The following KAZN variants were observed in gnomAD, a reference collection of about 807,000 sequenced individuals.
The protein encoded by KAZN is kazrin.
KAZN carries 40 observed loss-of-function variants against 87.4 expected under a neutral mutation model. The ratio of observed to expected loss-of-function variants is 0.46; its 90% confidence interval spans 0.36 to 0.60. The LOEUF (loss-of-function observed/expected upper bound fraction) is 0.60. Ranked by LOEUF, KAZN falls within the 20% of genes least tolerant of loss-of-function variation. The pLI is 0.00. For synonymous variants in KAZN, 466 were observed against 458.3 expected (o/e 1.02, Z -0.22); for missense variants, 898 against 1,073.9 (o/e 0.84, Z 2.29).
At chr1:14,330,639 T>C (rs1315616728) in intron 2 of KAZN, among the ~76,000 whole-genome samples, 3 of 152,236 alleles carry the variant, frequency 2.0e-5, no homozygotes, top group South Asian at 4.1e-4. Context: ...ACTTGAAAAG[T>C]TGCCATCAGG....
At chr1:14,414,034 C>A (rs1325811012) in intron 2 of KAZN, among the ~76,000 whole-genome samples, 1 of 152,168 alleles carries the variant, frequency 6.6e-6, no homozygotes, top group Non-Finnish European at 1.5e-5. Flanking sequence ...TCCCCAGATG[C>A]TACAGGCAGG....
At chr1:14,413,872 G>A (rs1664524077) in intron 2 of KAZN, among the ~76,000 whole-genome samples, 1 of 152,172 alleles carries the variant, frequency 6.6e-6, no homozygotes, top group Non-Finnish European at 1.5e-5. Flanking sequence ...CAATAAAATG[G>A]AAGGTAAAGG....
At chr1:14,228,226 G>A (rs1390385339) in intron 2 of KAZN, among the ~76,000 whole-genome samples, 1 of 152,128 alleles carries the variant, frequency 6.6e-6, no homozygotes, top group Non-Finnish European at 1.5e-5. Flanking sequence ...CAGCAGCAGT[G>A]ACCATTACCA....
intron 2 of KAZN, among the ~76,000 whole-genome samples, chr1:14,502,403 C>G (rs1670305950): frequency 6.6e-6 from 1 of 152,180 alleles, no homozygotes; most frequent in Non-Finnish European, 1.5e-5. Flanking sequence ...TCCTTGCCCT[C>G]AGACAAGCTT....
intron 8 of KAZN, among the ~76,000 whole-genome samples, chr1:15,078,391 C>T (rs1487225711): frequency 1.3e-5 from 2 of 151,962 alleles, no homozygotes; most frequent in African/African-American, 2.4e-5. Context: ...GGCAACACAG[C>T]GAGACTCCAT....
At chr1:14,476,477 G>T (rs1212888996) in intron 2 of KAZN, among the ~76,000 whole-genome samples, 1 of 152,180 alleles carries the variant, frequency 6.6e-6, no homozygotes, top group African/African-American at 2.4e-5. Flanking sequence ...CCCACCCAGT[G>T]CTCTGCAGAT....
chr1:14,665,848 C>A (rs1271275279), intron 1 of KAZN, among the ~76,000 whole-genome samples: 3 of 148,702 alleles, frequency 2.0e-5, no homozygotes. Flanking sequence ...CCCCTCCCCA[C>A]TAAAGGCTGA....
chr1:14,636,529 G>A (rs886074645), intron 1 of KAZN, among the ~76,000 whole-genome samples: 7 of 152,152 alleles, frequency 4.6e-5, no homozygotes, highest in East Asian at 3.8e-4. Flanking sequence ...CGGCTGACAC[G>A]GAACACTCAC....
chr1:14,243,976 A>G (rs1341292691), intron 2 of KAZN, among the ~76,000 whole-genome samples: 1 of 152,240 alleles, frequency 6.6e-6, no homozygotes, highest in Non-Finnish European at 1.5e-5. Flanking sequence ...CCCTGGACTC[A>G]GTCCAAGAGA....
At chr1:14,432,095 C>A (rs1012102692) in intron 2 of KAZN, among the ~76,000 whole-genome samples, 1 of 152,178 alleles carries the variant, frequency 6.6e-6, no homozygotes, top group African/African-American at 2.4e-5. Context: ...TTTCACACTT[C>A]TCATCCTCAA....
chr1:13,913,092 T>G (rs1423078621), intron 1 of KAZN, among the ~76,000 whole-genome samples: 2 of 152,114 alleles, frequency 1.3e-5, no homozygotes, highest in Non-Finnish European at 2.9e-5. Context: ...GACCCTCTCC[T>G]AATGTTAATA....
intron 1 of KAZN, among the ~76,000 whole-genome samples, chr1:14,782,918 T>C (rs1365413387): frequency 6.6e-6 from 1 of 152,152 alleles, no homozygotes; most frequent in East Asian, 1.9e-4. Flanking sequence ...ACAGTCCTGC[T>C]GACCTTTGTT....
In KAZN at chr1:14,539,959, G is replaced by A. The variant is rs550629484; in HGVS notation, c.250-59024G>A. Among the ~76,000 whole-genome samples, 3 of 152,110 alleles carry A rather than the reference G, an allele frequency of 2.0e-5. No homozygotes were observed. In the South Asian group the frequency reaches 6.2e-4, roughly 32 times the overall value. ...TGAATAACTGGCTATGTAGACTCCC[G>A]CCATCCCCATCCCATTGTGTATAAA... On this transcript the variant is annotated intron_variant, in intron 2 of 16. Transcript: ENST00000636203.
chr1:15,043,876 C>T (rs914936323), intron 3 of KAZN, 113 bp from the exon 4 acceptor site: 125 of 1,087,418 alleles, frequency 1.1e-4, no homozygotes, highest in Non-Finnish European at 1.5e-4. Flanking sequence ...ATCTCCTGAC[C>T]TCGTGACCCC....
chr1:14,428,917 T>A (rs1665893593), intron 2 of KAZN, among the ~76,000 whole-genome samples: 1 of 151,876 alleles, frequency 6.6e-6, no homozygotes, highest in South Asian at 2.1e-4. Flanking sequence ...TATATATATA[T>A]ATAGGCTTTT....
chr1:14,322,372 T>C (rs1656108020), intron 2 of KAZN, among the ~76,000 whole-genome samples: 1 of 152,216 alleles, frequency 6.6e-6, no homozygotes, highest in South Asian at 2.1e-4. Context: ...CTAAGAAAAG[T>C]CCTATTCACA....
At chr1:14,070,083 C>T (rs190488204) in intron 1 of KAZN, among the ~76,000 whole-genome samples, 253 of 146,464 alleles carry the variant, frequency 1.7e-3, no homozygotes, top group Middle Eastern at 7.4e-3. Context: ...GCAGGAGAAT[C>T]GCTTGAACCT....
At chr1:14,770,945 G>A (rs945140550) in intron 1 of KAZN, among the ~76,000 whole-genome samples, 4 of 152,120 alleles carry the variant, frequency 2.6e-5, no homozygotes, top group African/African-American at 9.7e-5. Context: ...GGGAGACATC[G>A]AGACCACATG....
intron 2 of KAZN, 65 bp downstream of exon 2, chr1:14,960,940 C>T: frequency 6.7e-7 from 1 of 1,501,410 alleles, no homozygotes; most frequent in Non-Finnish European, 9.0e-7. Context: ...TGGAGTCCTC[C>T]CCATGCAGGG....
Sources: allele counts gnomAD v4.1 joint callset (sites outside exome capture counted in the v4.1 genomes callset), GRCh38; gene constraint gnomAD v4.1.1; transcripts MANE v1.5; gene names NCBI Gene and HGNC (gene_info 2026-07-23, HGNC 2026-07-21).